The following SLC71A2 variants were observed in gnomAD, a reference collection of about 807,000 sequenced individuals.
SLC71A2 encodes hippocampus abundant transcript-like 1.
At chr9:94,458,696 A>G in the SLC71A2 span, among the ~76,000 whole-genome samples, 1 of 152,222 alleles carries the variant, frequency 6.6e-6, no homozygotes, top group African/African-American at 2.4e-5. Flanking sequence ...TCACCTACAC[A>G]ATCACTACAC....
At chr9:94,402,127 C>A in the SLC71A2 span, among the ~76,000 whole-genome samples, 1 of 152,240 alleles carries the variant, frequency 6.6e-6, no homozygotes, top group Non-Finnish European at 1.5e-5. Flanking sequence ...TCTTTATGAC[C>A]TGTATCTTGT....
At chr9:94,459,622 G>C in the SLC71A2 span, 2 of 509,756 alleles carry the variant, frequency 3.9e-6, no homozygotes, top group East Asian at 3.1e-5. Flanking sequence ...TTATACATTA[G>C]AACAAGATAA....
the SLC71A2 span, among the ~76,000 whole-genome samples, chr9:94,383,159 A>ATAT: frequency 2.2e-5 from 2 of 91,754 alleles, no homozygotes; most frequent in African/African-American, 4.1e-5. Flanking sequence ...TAGCTTTTAC[A>ATAT]TCTTTTTTTT....
the SLC71A2 span, chr9:94,460,732 A>G: frequency 1.3e-5 from 2 of 152,644 alleles, no homozygotes; most frequent in African/African-American, 4.8e-5. Flanking sequence ...TATAAATGTA[A>G]TGAAGGTATT....
At chr9:94,390,003 A>G in the SLC71A2 span, among the ~76,000 whole-genome samples, 1 of 152,174 alleles carries the variant, frequency 6.6e-6, no homozygotes, top group Non-Finnish European at 1.5e-5. Flanking sequence ...TCACGAGGTC[A>G]AGAGATCAAG....
the SLC71A2 span, among the ~76,000 whole-genome samples, chr9:94,376,366 C>A: frequency 2.0e-5 from 3 of 151,604 alleles, no homozygotes; most frequent in African/African-American, 7.3e-5. Context: ...TCAGAATTTC[C>A]TCAGCATTTT....
the SLC71A2 span, among the ~76,000 whole-genome samples, chr9:94,419,745 T>C: frequency 6.6e-6 from 1 of 152,122 alleles, no homozygotes; most frequent in African/African-American, 2.4e-5. Flanking sequence ...TGGCCATGGA[T>C]TTTGATTTTT....
the SLC71A2 span, among the ~76,000 whole-genome samples, chr9:94,454,324 G>T: frequency 6.6e-6 from 1 of 151,982 alleles, no homozygotes; most frequent in African/African-American, 2.4e-5. Context: ...CTTCCCTCCA[G>T]CCCCCAAATA....
the SLC71A2 span, among the ~76,000 whole-genome samples, chr9:94,449,366 CTT>C: frequency 1.3e-5 from 2 of 152,126 alleles, no homozygotes; most frequent in Non-Finnish European, 2.9e-5. Context: ...ATGTAGAACT[CTT>C]ATAATAAAAG....
At chr9:94,417,290 T>C in the SLC71A2 span, among the ~76,000 whole-genome samples, 38 of 152,300 alleles carry the variant, frequency 2.5e-4, no homozygotes, top group Admixed American at 3.3e-4. Context: ...ATGTTGGGTA[T>C]CTGTGACCAC....
chr9:94,454,720 A>C, the SLC71A2 span, among the ~76,000 whole-genome samples: 1 of 151,978 alleles, frequency 6.6e-6, no homozygotes, highest in African/African-American at 2.4e-5. Flanking sequence ...AAGAAGATAC[A>C]AAAAAAATGA....
At chr9:94,415,247 G>A in the SLC71A2 span, 3 of 1,610,536 alleles carry the variant, frequency 1.9e-6, no homozygotes, top group African/African-American at 2.7e-5. Context: ...CAACTCCAAT[G>A]TTGACTGTAA....
the SLC71A2 span, chr9:94,460,811 T>C: frequency 1.3e-5 from 2 of 152,570 alleles, no homozygotes; most frequent in Admixed American, 1.3e-4. Context: ...AAAGAAAATA[T>C]ATTTTGAAAC....
chr9:94,374,824 G>A, the SLC71A2 span: 8 of 767,300 alleles, frequency 1.0e-5, no homozygotes, highest in African/African-American at 1.8e-5. Flanking sequence ...CGCGGCATGA[G>A]CGTGGAGCCG....
chr9:94,440,030 T>A, the SLC71A2 span, among the ~76,000 whole-genome samples: 3 of 152,228 alleles, frequency 2.0e-5, no homozygotes, highest in African/African-American at 7.2e-5. Context: ...CATCATTAGG[T>A]GTTAAGCTGG....
At chr9:94,446,987 G>C in the SLC71A2 span, 1 of 908,556 alleles carries the variant, frequency 1.1e-6, no homozygotes, top group Non-Finnish European at 1.8e-6. Context: ...ATCAAAGATG[G>C]AGATTTGTCT....
the SLC71A2 span, among the ~76,000 whole-genome samples, chr9:94,408,832 T>TG: frequency 2.2e-5 from 3 of 138,638 alleles, no homozygotes; most frequent in Non-Finnish European, 4.7e-5. Flanking sequence ...TTTTTGTTTG[T>TG]TTGTTTTTTG....
At chr9:94,399,412 G>C in the SLC71A2 span, among the ~76,000 whole-genome samples, 4 of 152,106 alleles carry the variant, frequency 2.6e-5, no homozygotes, top group Non-Finnish European at 5.9e-5. Context: ...AGCTGATAGA[G>C]TGTGAGGAAA....
the SLC71A2 span, among the ~76,000 whole-genome samples, chr9:94,455,156 CTTTTTTTTTTTTT>C: frequency 7.2e-5 from 2 of 27,686 alleles, no homozygotes; most frequent in African/African-American, 5.2e-4. Context: ...TTGCTCTTTC[CTTTTTTTTTTTTT>C]TTTTTTTTTT....
Sources: allele counts gnomAD v4.1 joint callset (sites outside exome capture counted in the v4.1 genomes callset), GRCh38; gene constraint gnomAD v4.1.1; transcripts MANE v1.5; gene names NCBI Gene and HGNC (gene_info 2026-07-23, HGNC 2026-07-21).